Variants in TPO observed in about 807,000 individuals in gnomAD.
TPO encodes thyroid peroxidase.
Under a neutral mutation model 96.9 loss-of-function variants are expected in TPO, and 78 were observed. The ratio of observed to expected loss-of-function variants is 0.81; its 90% CI spans 0.67 to 0.97. The LOEUF is 0.97. Among genes scored for constraint, TPO ranks in the 50% least tolerant of loss-of-function variants. TPO has a pLI of 0.00. For synonymous variants in TPO, 547 were observed against 538.0 expected, an observed-to-expected ratio of 1.02 and a Z score of -0.23; for missense variants, 1,252 against 1,274.8, an observed-to-expected ratio of 0.98 and a Z score of 0.27.
At chr2:1,442,347 A>G (rs1030528933) in intron 5 of TPO, among the ~76,000 whole-genome samples, 1 of 152,126 alleles carries the variant, frequency 6.6e-6, no homozygotes, top group Middle Eastern at 3.2e-3. Context: ...TCTGTGTGCC[A>G]CAACAGCCAG....
rs1179911176 is a variant in TPO at position 1,453,751 on chromosome 2, C to G, written c.540C>G (p.Val180=). The G allele has an allele frequency of 1.9e-6, 3 of 1,613,864 alleles. No individual in the cohort carries two copies. The highest frequency in any genetic ancestry group is 2.5e-6 in the Non-Finnish European group (3 of 1,180,042). Residue 180 remains valine, a synonymous_variant, in exon 6 of 17, where the codon GTC becomes GTG. Transcript: ENST00000329066. ...NTALARWLPP[V]YEDGFSQPRG... is the part of the protein sequence containing the mutation. ...CCCTGGCACGATGGCTCCCTCCAGT[C>G]TATGAGGACGGCTTCAGTCAGCCCC... is the stretch of plus-strand genomic sequence containing the variant.
intron 5 of TPO, among the ~76,000 whole-genome samples, chr2:1,448,208 C>T (rs757844524): frequency 1.3e-5 from 2 of 152,230 alleles, no homozygotes; most frequent in Non-Finnish European, 2.9e-5. Flanking sequence ...TACCCACTCC[C>T]AGACAAGGAC....
intron 15 of TPO, among the ~76,000 whole-genome samples, chr2:1,524,965 A>C (rs1286637682): frequency 3.3e-5 from 4 of 122,592 alleles, no homozygotes; most frequent in African/African-American, 9.7e-5. Context: ...AACCTCCCCA[A>C]ATCCCCCCAG....
intron 15 of TPO, among the ~76,000 whole-genome samples, chr2:1,529,257 CTGTGCAACCTCCTCAAATCCCCCCACTG>C (rs1677413462): frequency 3.3e-5 from 1 of 30,284 alleles, no homozygotes; most frequent in Non-Finnish European, 5.9e-5. Flanking sequence ...TCCCCCCACT[CTGTGCAACCTCCTCAAATCCCCCCACTG>C]TGTGCAACCT....
rs925999100 is a variant in TPO, at chr2:1,516,984, T to TA, written c.2618+4dup. 4.3e-6 allele frequency: 7 copies of TA among 1,613,792 alleles called. No individual in the cohort carries two copies. The highest frequency in any genetic ancestry group is 1.3e-5 in the African/African-American group (1 of 75,060). ...CACCTCGACGGTGATTTGCAGGTGGTAAGTCCTTCACTTTTTGACTGTTAC... is the reference window on the plus strand; with the variant it reads ...CACCTCGACGGTGATTTGCAGGTGGTAAAGTCCTTCACTTTTTGACTGTTAC... On this transcript the variant is annotated splice_region_variant and intron_variant, in intron 15 of 16. Coordinates refer to ENST00000329066, the MANE Select transcript of TPO (RefSeq NM_001206744.2).
At chr2:1,390,126 C>G (rs935276768) in intron 1 of TPO, among the ~76,000 whole-genome samples, 2 of 151,124 alleles carry the variant, frequency 1.3e-5, no homozygotes, top group Non-Finnish European at 2.9e-5. Flanking sequence ...CCTATCAACT[C>G]GTTATTTACA....
chr2:1,522,539 C>T (rs1675428439), intron 15 of TPO, among the ~76,000 whole-genome samples: 1 of 151,986 alleles, frequency 6.6e-6, no homozygotes. Context: ...CTCCTGCCCC[C>T]AGACCATCTA....
chr2:1,404,343 G>T (rs1316726574), intron 1 of TPO, among the ~76,000 whole-genome samples: 2 of 152,106 alleles, frequency 1.3e-5, no homozygotes, highest in Admixed American at 1.3e-4. Flanking sequence ...GGCCTCCTCT[G>T]CTGTGACCCA....
chr2:1,467,034 C>T (rs1035363866), intron 7 of TPO, among the ~76,000 whole-genome samples: 1 of 152,024 alleles, frequency 6.6e-6, no homozygotes, highest in Non-Finnish European at 1.5e-5. Context: ...TATGAACTTT[C>T]CTCTTAGCAC....
chr2:1,433,669 T>C, intron 4 of TPO, 62 bp downstream of exon 4: 1 of 1,574,596 alleles, frequency 6.4e-7, no homozygotes, highest in Non-Finnish European at 8.6e-7. Context: ...ACCTTGACTT[T>C]GTGCAGGGGC....
At chr2:1,485,628 G>A (rs913750672) in intron 9 of TPO, among the ~76,000 whole-genome samples, 1 of 151,612 alleles carries the variant, frequency 6.6e-6, no homozygotes, top group Non-Finnish European at 1.5e-5. Flanking sequence ...TCTCATTGTG[G>A]TTTTGATTTG....
intron 15 of TPO, among the ~76,000 whole-genome samples, chr2:1,537,499 C>G (rs1258384584): frequency 2.8e-4 from 13 of 46,142 alleles, no homozygotes; most frequent in Admixed American, 4.3e-4. Context: ...GCAGCCTCCC[C>G]AAATCCCCCC....
intron 1 of TPO, among the ~76,000 whole-genome samples, chr2:1,406,993 G>C (rs1475278695): frequency 6.6e-6 from 1 of 152,160 alleles, no homozygotes; most frequent in Non-Finnish European, 1.5e-5. Context: ...TTTGCTGCAG[G>C]TGGAGGTTGA....
chr2:1,450,144 C>A (rs551478556), intron 5 of TPO, among the ~76,000 whole-genome samples: 7 of 152,208 alleles, frequency 4.6e-5, no homozygotes, highest in Non-Finnish European at 8.8e-5. Context: ...TCTCTCCCAG[C>A]ATTTCACACT....
rs112781093 is a variant in TPO at position 1,417,143 on chromosome 2, A to T, written c.94+2641A>T. Reference sequence around the variant, plus strand: ...TCCTCATACTTGAAGCTCGATGATAAGTACTCAGCGAAAAGTATCAGGCCA... The same window carrying T: ...TCCTCATACTTGAAGCTCGATGATATGTACTCAGCGAAAAGTATCAGGCCA... On this transcript the variant is annotated intron_variant, in intron 2 of 16. Transcript: ENST00000329066. Among the ~76,000 whole-genome samples, 551 of 152,388 alleles carry T rather than the reference A, an allele frequency of 3.6e-3. 3 individuals are homozygous for T. Among genetic ancestry groups the T allele is most frequent in the African/African-American group, 0.013 (522 of 41,598 alleles).
chr2:1,421,874 C>T (rs891619828), intron 2 of TPO, among the ~76,000 whole-genome samples: 2 of 152,224 alleles, frequency 1.3e-5, no homozygotes, highest in African/African-American at 2.4e-5. Flanking sequence ...GTCCCCAGCA[C>T]GCACACATTG....
intron 7 of TPO, among the ~76,000 whole-genome samples, chr2:1,466,696 T>A (rs1385251285): frequency 6.6e-6 from 1 of 152,192 alleles, no homozygotes; most frequent in Non-Finnish European, 1.5e-5. Context: ...CCATGAATGA[T>A]CTTTTGTATT....
intron 15 of TPO, among the ~76,000 whole-genome samples, chr2:1,526,789 T>C: frequency 1.3e-5 from 1 of 74,460 alleles, no homozygotes; most frequent in South Asian, 5.4e-4. Context: ...CCCCCCAATC[T>C]ATGCAACCTC....
intron 9 of TPO, among the ~76,000 whole-genome samples, chr2:1,485,363 C>T (rs952303899): frequency 1.1e-4 from 16 of 152,152 alleles, no homozygotes; most frequent in African/African-American, 3.4e-4. Flanking sequence ...CTGCAATAAA[C>T]ATACGTGTGC....
Sources: gnomAD v4.1 joint callset for allele counts (sites outside exome capture counted in the v4.1 genomes callset) on GRCh38, gnomAD v4.1.1 for gene constraint, MANE v1.5 for transcripts, NCBI Gene and HGNC (gene_info 2026-07-23, HGNC 2026-07-21) for gene names.